Variants in ADAM23 observed in about 807,000 individuals in gnomAD.
The protein encoded by ADAM23 is ADAM metallopeptidase domain 23, also known as disintegrin and metalloproteinase domain-containing protein 23.
Under a neutral mutation model 120.1 loss-of-function variants are expected in ADAM23, and 33 were observed. The ratio of observed to expected loss-of-function variants is 0.27; its 90% confidence interval spans 0.21 to 0.37. ADAM23 has a LOEUF of 0.37. Ranked by LOEUF, ADAM23 falls within the 10% of genes least tolerant of loss-of-function variation. The pLI, the probability that ADAM23 is intolerant of heterozygous loss-of-function variation, is 1.00. For synonymous variants in ADAM23, 367 were observed against 375.2 expected (o/e 0.98, Z 0.25); for missense variants, 862 against 1,058.2 (o/e 0.81, Z 2.57).
chr2:206,469,585 T>A (rs943560099), intron 2 of ADAM23, among the ~76,000 whole-genome samples: 4 of 152,210 alleles, frequency 2.6e-5, no homozygotes, highest in African/African-American at 9.7e-5. Context: ...CAGTGAATTT[T>A]AAAAAATGGA....
intron 2 of ADAM23, among the ~76,000 whole-genome samples, chr2:206,476,375 C>T (rs1321484216): frequency 6.6e-6 from 1 of 152,178 alleles, no homozygotes; most frequent in Non-Finnish European, 1.5e-5. Context: ...CCCCAACTTC[C>T]AGGTCACATT....
chr2:206,483,625 A>G (rs1695943314), intron 3 of ADAM23, among the ~76,000 whole-genome samples: 1 of 152,178 alleles, frequency 6.6e-6, no homozygotes, highest in African/African-American at 2.4e-5. Flanking sequence ...CAGGAGAATG[A>G]TTAAACAGAG....
chr2:206,461,913 G>A (rs1695428998), intron 2 of ADAM23, among the ~76,000 whole-genome samples: 1 of 152,168 alleles, frequency 6.6e-6, no homozygotes, highest in East Asian at 1.9e-4. Context: ...AAGAGTAGCT[G>A]CCTTCAGGAG....
At chr2:206,454,124 A>G (rs1695247899) in intron 2 of ADAM23, among the ~76,000 whole-genome samples, 1 of 152,220 alleles carries the variant, frequency 6.6e-6, no homozygotes, top group African/African-American at 2.4e-5. Flanking sequence ...ACACTGCTAT[A>G]AAGAACTACC....
At chr2:206,575,512 C>G (rs967821686) in intron 18 of ADAM23, among the ~76,000 whole-genome samples, 1 of 152,048 alleles carries the variant, frequency 6.6e-6, no homozygotes, top group Non-Finnish European at 1.5e-5. Context: ...GTTTCTTGTT[C>G]AGGGTTAGCT....
intron 2 of ADAM23, among the ~76,000 whole-genome samples, chr2:206,460,105 CTT>C (rs34090725): frequency 0.29 from 41,763 of 146,320 alleles, 5,876 homozygotes; most frequent in South Asian, 0.32. Context: ...CTCAGAATGA[CTT>C]TTTTTTTTTT....
At position 206,455,417 on chromosome 2, in the gene ADAM23, A is replaced by G. The variant is rs150560288; in HGVS notation, c.432+9893A>G. 3.8e-3 allele frequency among the ~76,000 whole-genome samples: 582 copies of G among 152,156 alleles called. 5 individuals carry two copies. The highest frequency in any genetic ancestry group is 7.1e-3 in the Non-Finnish European group (486 of 67,990). On this transcript the variant is annotated intron_variant, in intron 2 of 25. Coordinates refer to ENST00000264377, the MANE Select transcript of ADAM23 (RefSeq NM_003812.4). ...TCCCTTCTAGGCCTCTGGACCTATG[A>G]TGGGAGGGGCTGCCATGAAGGTCTC...
At chr2:206,550,635 T>G (rs541974661) in intron 9 of ADAM23, among the ~76,000 whole-genome samples, 4 of 148,584 alleles carry the variant, frequency 2.7e-5, no homozygotes, top group Admixed American at 1.4e-4. Flanking sequence ...GGAGTCTCGC[T>G]CTGTCGCCCA....
At chr2:206,446,975 C>G (rs1191338622) in intron 2 of ADAM23, among the ~76,000 whole-genome samples, 1 of 152,124 alleles carries the variant, frequency 6.6e-6, no homozygotes, top group Non-Finnish European at 1.5e-5. Flanking sequence ...GTGGTTAGTT[C>G]TCAAACTCCA....
chr2:206,499,995 T>G (rs1235160384), intron 3 of ADAM23, among the ~76,000 whole-genome samples: 1 of 152,132 alleles, frequency 6.6e-6, no homozygotes, highest in Admixed American at 6.6e-5. Flanking sequence ...ACATTTTTCT[T>G]GTTTTGAGTT....
chr2:206,497,935 C>T (rs1393534051), intron 3 of ADAM23, among the ~76,000 whole-genome samples: 1 of 152,134 alleles, frequency 6.6e-6, no homozygotes, highest in African/African-American at 2.4e-5. Context: ...ACCTAGGAAT[C>T]CAACTTACAA....
At chr2:206,562,542 A>C (rs1003321281) in intron 13 of ADAM23, among the ~76,000 whole-genome samples, 2 of 152,132 alleles carry the variant, frequency 1.3e-5, no homozygotes, top group African/African-American at 4.8e-5. Context: ...TCTTTCTCAC[A>C]CTGCAGAATG....
intron 24 of ADAM23, chr2:206,605,732 TA>T: frequency 2.9e-6 from 2 of 700,844 alleles, no homozygotes; most frequent in Non-Finnish European, 5.2e-6. Context: ...TTTTGTATGT[TA>T]GTGAAATTAG....
chr2:206,484,012 G>A (rs895528882), intron 3 of ADAM23, among the ~76,000 whole-genome samples: 3 of 152,150 alleles, frequency 2.0e-5, no homozygotes, highest in Admixed American at 6.6e-5. Flanking sequence ...ACTGAGAGAC[G>A]GAGCTGATAA....
At chr2:206,487,667 A>T (rs1696042379) in intron 3 of ADAM23, among the ~76,000 whole-genome samples, 1 of 152,236 alleles carries the variant, frequency 6.6e-6, no homozygotes, top group South Asian at 2.1e-4. Flanking sequence ...GTTTATTGTG[A>T]AGTGAAATCC....
At chr2:206,558,826 T>G (rs549088005) in intron 10 of ADAM23, among the ~76,000 whole-genome samples, 94 of 152,346 alleles carry the variant, frequency 6.2e-4, no homozygotes, top group African/African-American at 2.2e-3. Flanking sequence ...ACATTTAACT[T>G]GTTTTTGTTG....
At chr2:206,481,137 A>G (rs1695887057) in intron 2 of ADAM23, 95 bp from the exon 3 acceptor site, 2 of 901,484 alleles carry the variant, frequency 2.2e-6, no homozygotes. Flanking sequence ...GAACTGATAC[A>G]TAAAAGTTAT....
intron 2 of ADAM23, among the ~76,000 whole-genome samples, chr2:206,451,194 G>T (rs1695186337): frequency 6.6e-6 from 1 of 152,184 alleles, no homozygotes; most frequent in African/African-American, 2.4e-5. Flanking sequence ...TGACTTGCTT[G>T]GGTAGTAGCA....
chr2:206,547,355 A>G (rs903299819), intron 6 of ADAM23, 74 bp from the exon 7 acceptor site: 19 of 1,235,558 alleles, frequency 1.5e-5, no homozygotes, highest in Admixed American at 4.6e-5. Flanking sequence ...GACATTAGAG[A>G]AAGTTCCAAC....
Sources: allele counts gnomAD v4.1 joint callset (sites outside exome capture counted in the v4.1 genomes callset), GRCh38; gene constraint gnomAD v4.1.1; transcripts MANE v1.5; gene names NCBI Gene and HGNC (gene_info 2026-07-23, HGNC 2026-07-21).